The following PTPRD variants were observed in gnomAD, a reference collection of about 807,000 sequenced individuals.
PTPRD encodes the protein receptor-type tyrosine-protein phosphatase delta.
In PTPRD, 34 loss-of-function variants were observed where a neutral mutation model predicts 214.5. The observed-to-expected ratio is 0.16, with a 90% CI of 0.12 to 0.21. PTPRD has a LOEUF of 0.21. Among genes scored for constraint, PTPRD ranks in the 10% least tolerant of loss-of-function variants. PTPRD has a pLI of 1.00. For synonymous variants in PTPRD, 1,128 were observed against 845.7 expected (o/e 1.33, Z -5.79); for missense variants, 2,545 against 2,398.7 (o/e 1.06, Z -1.27).
intron 3 of PTPRD, among the ~76,000 whole-genome samples, chr9:10,237,312 C>A (rs191845915): frequency 6.6e-6 from 1 of 151,942 alleles, no homozygotes; most frequent in African/African-American, 2.4e-5. Context: ...CTGCTGTTTA[C>A]CATTTTTATT....
chr9:8,331,558 C>T, intron 44 of PTPRD, 24 bp downstream of exon 44: 1 of 914,890 alleles, frequency 1.1e-6, no homozygotes, highest in Non-Finnish European at 1.4e-6. Context: ...CTTATCACTG[C>T]TTTATTCACA....
chr9:10,488,074 C>G (rs2099144721), intron 2 of PTPRD, among the ~76,000 whole-genome samples: 1 of 151,032 alleles, frequency 6.6e-6, no homozygotes, highest in Non-Finnish European at 1.5e-5. Flanking sequence ...ATGACTAAGA[C>G]TGTGCCAGGT....
At chr9:8,761,151 C>T (rs772998321) in intron 11 of PTPRD, among the ~76,000 whole-genome samples, 1 of 151,992 alleles carries the variant, frequency 6.6e-6, no homozygotes, top group African/African-American at 2.4e-5. Flanking sequence ...TATAAATGAT[C>T]TAAAAGATAA....
At chr9:8,985,116 G>T (rs1256148701) in intron 11 of PTPRD, among the ~76,000 whole-genome samples, 1 of 151,988 alleles carries the variant, frequency 6.6e-6, no homozygotes, top group Non-Finnish European at 1.5e-5. Context: ...GATCAGAAAT[G>T]CTAACAGTAA....
At chr9:9,276,072 T>A (rs1373780799) in intron 9 of PTPRD, among the ~76,000 whole-genome samples, 5 of 151,360 alleles carry the variant, frequency 3.3e-5, no homozygotes, top group Admixed American at 1.3e-4. Context: ...CTCAGCTAAA[T>A]GTCCTTGTCT....
intron 39 of PTPRD, among the ~76,000 whole-genome samples, chr9:8,373,062 C>A (rs1013814874): frequency 6.6e-6 from 1 of 152,020 alleles, no homozygotes; most frequent in African/African-American, 2.4e-5. Flanking sequence ...GTAACATGAT[C>A]ATGATTAACC....
chr9:9,270,088 CA>C (rs1475267944), intron 9 of PTPRD, among the ~76,000 whole-genome samples: 2 of 150,678 alleles, frequency 1.3e-5, no homozygotes, highest in Non-Finnish European at 3.0e-5. Flanking sequence ...GTATTCTCAC[CA>C]TATACAAAAA....
intron 35 of PTPRD, among the ~76,000 whole-genome samples, chr9:8,412,870 ATGGT>A (rs753691405): frequency 3.1e-4 from 47 of 152,196 alleles, no homozygotes; most frequent in Admixed American, 6.5e-5. Context: ...ACAGCTGCAT[ATGGT>A]TCTCACTTTT....
intron 11 of PTPRD, among the ~76,000 whole-genome samples, chr9:8,840,954 G>A (rs1239317870): frequency 6.6e-6 from 1 of 152,074 alleles, no homozygotes; most frequent in Non-Finnish European, 1.5e-5. Context: ...GAATCACCGG[G>A]TTTCCTTAAC....
At chr9:9,032,147 A>G (rs758304981) in intron 10 of PTPRD, among the ~76,000 whole-genome samples, 2 of 151,864 alleles carry the variant, frequency 1.3e-5, no homozygotes, top group Non-Finnish European at 2.9e-5. Flanking sequence ...TGTGGGTTGT[A>G]GGAGATGAGA....
intron 14 of PTPRD, among the ~76,000 whole-genome samples, chr9:8,538,290 T>C (rs2140085739): frequency 6.6e-6 from 1 of 152,098 alleles, no homozygotes; most frequent in South Asian, 2.1e-4. Context: ...TGAATTTTAT[T>C]ATTTTTAGAA....
intron 3 of PTPRD, among the ~76,000 whole-genome samples, chr9:10,284,912 G>C (rs10959019): frequency 0.22 from 33,033 of 152,106 alleles, 4,271 homozygotes; most frequent in African/African-American, 0.36. Flanking sequence ...ATTCTGCATA[G>C]CACATTCACA....
chr9:8,549,068 C>T (rs2081208438), intron 14 of PTPRD, among the ~76,000 whole-genome samples: 1 of 151,932 alleles, frequency 6.6e-6, no homozygotes, highest in African/African-American at 2.4e-5. Flanking sequence ...CAAGGGAGTG[C>T]AGTGAAGGGG....
rs1005501705 is a variant in PTPRD, at chr9:9,022,321, G to A, written c.-142-3586C>T. Among the ~76,000 whole-genome samples the A allele has an allele frequency of 6.6e-5, 10 of 152,074 alleles. No individual in the cohort carries two copies. The East Asian group carries it at 1.2e-3, about 18-fold the overall frequency. On this transcript the variant is annotated intron_variant, in intron 10 of 45. Coordinates refer to ENST00000381196, the MANE Select transcript of PTPRD (RefSeq NM_002839.4). Reference sequence around the variant, plus strand: ...CCTCCATATTACTCACTGCTCACTCGTTGATTCACCTAGAGCAACTTCCAG... The same window carrying A: ...CCTCCATATTACTCACTGCTCACTCATTGATTCACCTAGAGCAACTTCCAG...
chr9:10,257,287 A>T (rs1484426448), intron 3 of PTPRD, among the ~76,000 whole-genome samples: 1 of 152,214 alleles, frequency 6.6e-6, no homozygotes, highest in Non-Finnish European at 1.5e-5. Flanking sequence ...GCTCCACAGC[A>T]TAACATTACT....
chr9:8,612,088 T>C (rs970336036), intron 14 of PTPRD, among the ~76,000 whole-genome samples: 1 of 151,418 alleles, frequency 6.6e-6, no homozygotes, highest in African/African-American at 2.4e-5. Context: ...TGTACCTAAA[T>C]ATCAAGACCT....
intron 3 of PTPRD, among the ~76,000 whole-genome samples, chr9:10,152,909 T>C (rs2099070701): frequency 6.6e-6 from 1 of 152,012 alleles, no homozygotes; most frequent in South Asian, 2.1e-4. Flanking sequence ...AAGTGATATA[T>C]GCCAGTCAGA....
At chr9:9,084,621 T>A (rs1286906698) in intron 10 of PTPRD, among the ~76,000 whole-genome samples, 2 of 152,104 alleles carry the variant, frequency 1.3e-5, no homozygotes, top group Non-Finnish European at 2.9e-5. Context: ...GGACTGTAAA[T>A]GAATGGGATC....
intron 7 of PTPRD, among the ~76,000 whole-genome samples, chr9:9,656,820 C>T (rs1157537762): frequency 6.6e-6 from 1 of 152,036 alleles, no homozygotes; most frequent in East Asian, 1.9e-4. Context: ...ATGTACTTCT[C>T]TGGTGGGGGA....
Sources: gnomAD v4.1 joint callset for allele counts (sites outside exome capture counted in the v4.1 genomes callset) on GRCh38, gnomAD v4.1.1 for gene constraint, MANE v1.5 for transcripts, NCBI Gene and HGNC (gene_info 2026-07-23, HGNC 2026-07-21) for gene names.